The following COL19A1 variants were observed in gnomAD, a reference collection of about 807,000 sequenced individuals.
The protein encoded by COL19A1 is collagen type XIX alpha 1 chain, also known as collagen alpha-1(XIX) chain.
A neutral mutation model predicts 190.2 loss-of-function variants in COL19A1; 159 were observed. That is an observed-to-expected ratio of 0.84 (90% CI 0.73 to 0.95). The LOEUF (loss-of-function observed/expected upper bound fraction) is 0.95, where lower values mean the gene tolerates loss of function less well. COL19A1 is among the 40% of genes least tolerant of loss of function. COL19A1 has a pLI of 0.00. For synonymous variants in COL19A1, 509 were observed against 458.9 expected, an observed-to-expected ratio of 1.11 and a Z score of -1.39; for missense variants, 1,418 against 1,431.9, an observed-to-expected ratio of 0.99 and a Z score of 0.16.
chr6:70,027,399 G>A (rs1308999172), intron 12 of COL19A1, among the ~76,000 whole-genome samples: 2 of 152,156 alleles, frequency 1.3e-5, no homozygotes, highest in Admixed American at 1.3e-4. Flanking sequence ...GGCACTCTTG[G>A]CATTTTGGCA....
chr6:69,950,861 G>A (rs1018908386), intron 9 of COL19A1, among the ~76,000 whole-genome samples: 2 of 151,622 alleles, frequency 1.3e-5, no homozygotes, highest in Admixed American at 6.6e-5. Context: ...AAACAAAAAA[G>A]TGCCTCATTT....
chr6:69,972,880 T>C (rs1775510704), intron 11 of COL19A1, among the ~76,000 whole-genome samples: 1 of 152,198 alleles, frequency 6.6e-6, no homozygotes. Context: ...TTAGTAGTAA[T>C]GTTAAAGGTT....
At chr6:70,203,611 A>G (rs1005764559) in intron 49 of COL19A1, among the ~76,000 whole-genome samples, 2 of 151,908 alleles carry the variant, frequency 1.3e-5, no homozygotes, top group Non-Finnish European at 2.9e-5. Context: ...TAAAATGCCA[A>G]TAGCATCCAT....
chr6:70,179,807 A>C (rs1766049485), intron 42 of COL19A1, among the ~76,000 whole-genome samples: 1 of 152,148 alleles, frequency 6.6e-6, no homozygotes, highest in African/African-American at 2.4e-5. Flanking sequence ...ACTGCACCCC[A>C]GTCTGAAACT....
chr6:69,942,712 T>G (rs560448874), intron 9 of COL19A1, among the ~76,000 whole-genome samples: 1 of 151,762 alleles, frequency 6.6e-6, no homozygotes, highest in Admixed American at 6.6e-5. Context: ...TACTCTTTTT[T>G]ATGGCTTAAT....
intron 34 of COL19A1, among the ~76,000 whole-genome samples, chr6:70,161,496 T>C (rs1787801014): frequency 6.6e-6 from 1 of 152,158 alleles, no homozygotes. Flanking sequence ...ACACATATTC[T>C]TACTTATAAG....
At chr6:69,912,677 C>T (rs1177758518) in intron 4 of COL19A1, among the ~76,000 whole-genome samples, 1 of 152,022 alleles carries the variant, frequency 6.6e-6, no homozygotes, top group Non-Finnish European at 1.5e-5. Context: ...ATCTAAAGAC[C>T]CCTTCTCTAA....
At chr6:69,946,480 C>G (rs3805966) in intron 9 of COL19A1, among the ~76,000 whole-genome samples, 2 of 151,818 alleles carry the variant, frequency 1.3e-5, no homozygotes, top group Non-Finnish European at 1.5e-5. Flanking sequence ...TTACATATTT[C>G]TGTGTGAATA....
chr6:69,985,379 A>G (rs1562060911), intron 11 of COL19A1, among the ~76,000 whole-genome samples: 1 of 152,174 alleles, frequency 6.6e-6, no homozygotes, highest in Non-Finnish European at 1.5e-5. Flanking sequence ...CCTTACTGCC[A>G]TCCAGAGGTC....
At chr6:70,009,477 T>C (rs1029054335) in intron 11 of COL19A1, among the ~76,000 whole-genome samples, 1 of 152,094 alleles carries the variant, frequency 6.6e-6, no homozygotes, top group Non-Finnish European at 1.5e-5. Context: ...AATGTAGAGT[T>C]GATTTGTGGT....
At chr6:70,206,698 A>C (rs1386861850) in intron 49 of COL19A1, among the ~76,000 whole-genome samples, 1 of 151,164 alleles carries the variant, frequency 6.6e-6, no homozygotes, top group Non-Finnish European at 1.5e-5. Flanking sequence ...CATGTTTTTT[A>C]AGATCCTCAT....
intron 22 of COL19A1, among the ~76,000 whole-genome samples, chr6:70,142,285 C>G (rs1039676207): frequency 6.6e-6 from 1 of 152,078 alleles, no homozygotes; most frequent in South Asian, 2.1e-4. Context: ...TTTCTATACT[C>G]TTTTTCAGAG....
At chr6:69,952,995 G>A (rs1774207216) in intron 9 of COL19A1, among the ~76,000 whole-genome samples, 1 of 151,932 alleles carries the variant, frequency 6.6e-6, no homozygotes, top group Non-Finnish European at 1.5e-5. Context: ...TAAGCCATTT[G>A]GCTTCCTCTC....
At chr6:69,956,308 A>G (rs1774415580) in intron 9 of COL19A1, among the ~76,000 whole-genome samples, 2 of 152,026 alleles carry the variant, frequency 1.3e-5, no homozygotes, top group Non-Finnish European at 2.9e-5. Context: ...TGATTAAAAT[A>G]TCCCTATGCA....
intron 9 of COL19A1, among the ~76,000 whole-genome samples, chr6:69,947,462 C>A (rs1243478673): frequency 6.6e-6 from 1 of 151,808 alleles, no homozygotes; most frequent in Non-Finnish European, 1.5e-5. Context: ...TATTAAACTG[C>A]AATCACCTTG....
intron 40 of COL19A1, among the ~76,000 whole-genome samples, chr6:70,170,324 T>C (rs1275121500): frequency 1.3e-5 from 2 of 152,096 alleles, no homozygotes; most frequent in African/African-American, 4.8e-5. Flanking sequence ...AATGATAGAA[T>C]TGTAGATCAC....
chr6:70,061,345 T>C (rs760979644), intron 14 of COL19A1, among the ~76,000 whole-genome samples: 4 of 152,098 alleles, frequency 2.6e-5, no homozygotes, highest in Non-Finnish European at 5.9e-5. Flanking sequence ...AAAGAGTGAA[T>C]GATTCATCAA....
intron 4 of COL19A1, among the ~76,000 whole-genome samples, chr6:69,904,969 G>T (rs1016415407): frequency 2.0e-5 from 3 of 151,950 alleles, no homozygotes; most frequent in African/African-American, 7.3e-5. Context: ...TCGGTGCTGC[G>T]TGCTTCCAGC....
chr6:69,940,550 G>C (rs1002124204), intron 9 of COL19A1, among the ~76,000 whole-genome samples: 5 of 152,078 alleles, frequency 3.3e-5, no homozygotes, highest in African/African-American at 1.2e-4. Context: ...ATGTATCTTA[G>C]AGTAACAATG....
Sources: allele counts gnomAD v4.1 joint callset (sites outside exome capture counted in the v4.1 genomes callset), GRCh38; gene constraint gnomAD v4.1.1; transcripts MANE v1.5; gene names NCBI Gene and HGNC (gene_info 2026-07-23, HGNC 2026-07-21).